The following PCDHA1 variants were observed in gnomAD, a reference collection of about 807,000 sequenced individuals.
PCDHA1 encodes the protein protocadherin alpha-1.
In PCDHA1, 42 loss-of-function variants were observed where a neutral mutation model predicts 61.3. The ratio of observed to expected loss-of-function variants is 0.69; its 90% CI spans 0.54 to 0.89. PCDHA1 has a LOEUF of 0.89. Among genes scored for constraint, PCDHA1 ranks in the 40% least tolerant of loss-of-function variants. The pLI, the probability that PCDHA1 is intolerant of heterozygous loss-of-function variation, is 0.00. For synonymous variants in PCDHA1, 610 were observed against 553.8 expected (o/e 1.10, Z -1.43); for missense variants, 1,256 against 1,235.3 (o/e 1.02, Z -0.25).
rs782449118 is a variant in PCDHA1, at chr5:140,796,738, G to T, written c.2394+8054G>T. On this transcript the variant is annotated intron_variant, in intron 1 of 3. Transcript: ENST00000504120. ...GTCGGTGGGTGCAGGGCACGTGGTGGCGAAGGTGCGCGCAGTGGACGCTGA... is the reference window on the plus strand; with the variant it reads ...GTCGGTGGGTGCAGGGCACGTGGTGTCGAAGGTGCGCGCAGTGGACGCTGA... 7.4e-6 allele frequency: 12 copies of T among 1,614,000 alleles called. No individual in the cohort carries two copies. The Middle Eastern group carries it at 4.9e-4, about 66-fold the overall frequency.
chr5:140,995,466 T>A (rs1325738929), intron 3 of PCDHA1, among the ~76,000 whole-genome samples: 1 of 152,196 alleles, frequency 6.6e-6, no homozygotes, highest in Non-Finnish European at 1.5e-5. Flanking sequence ...ATTTTTGAAA[T>A]TTTTCATTTA....
At chr5:140,926,788 G>A in intron 1 of PCDHA1, 26 of 1,427,398 alleles carry the variant, frequency 1.8e-5, no homozygotes, top group Non-Finnish European at 2.4e-5. Flanking sequence ...ACGGCCGGCA[G>A]GAGCGTGCTC....
intron 1 of PCDHA1, among the ~76,000 whole-genome samples, chr5:140,908,509 A>G (rs1458307706): frequency 1.3e-5 from 2 of 152,116 alleles, no homozygotes; most frequent in Non-Finnish European, 2.9e-5. Flanking sequence ...TGACTTGATG[A>G]CCCATAGTCA....
At chr5:140,829,950 T>A in intron 1 of PCDHA1, 1 of 1,613,960 alleles carries the variant, frequency 6.2e-7, no homozygotes, top group Non-Finnish European at 8.5e-7. Context: ...AGCGCTCGCT[T>A]CCCGTTTCGC....
At chr5:140,795,541 T>C (rs1554119485) in intron 1 of PCDHA1, 1 of 1,614,136 alleles carries the variant, frequency 6.2e-7, no homozygotes. Flanking sequence ...CGAATCTTTG[T>C]CTCTCGTGCT....
chr5:140,847,580 C>G (rs1350641732), intron 1 of PCDHA1: 2 of 149,008 alleles, frequency 1.3e-5, no homozygotes, highest in African/African-American at 4.9e-5. Flanking sequence ...TAAGGATGAG[C>G]AATAATGAAA....
chr5:140,988,268 G>A (rs1463795699), intron 3 of PCDHA1, among the ~76,000 whole-genome samples: 3 of 152,160 alleles, frequency 2.0e-5, no homozygotes, highest in Non-Finnish European at 4.4e-5. Context: ...AGTATCCTTC[G>A]CTGTCACCTG....
intron 1 of PCDHA1, chr5:140,856,974 T>C: frequency 6.3e-7 from 1 of 1,594,506 alleles, no homozygotes; most frequent in African/African-American, 1.3e-5. Context: ...GCTATTGACT[T>C]TGAGGACAGT....
At chr5:140,860,132 T>C (rs2150486737) in intron 1 of PCDHA1, 1 of 150,816 alleles carries the variant, frequency 6.6e-6, no homozygotes, top group East Asian at 1.9e-4. Flanking sequence ...TGTGTGTGTG[T>C]GTATATATAT....
At chr5:140,796,809 T>G (rs781867380) in intron 1 of PCDHA1, 2 of 1,614,126 alleles carry the variant, frequency 1.2e-6, no homozygotes, top group Non-Finnish European at 1.7e-6. Flanking sequence ...AGCTGGGTAC[T>G]GGCAGCGCTC....
intron 1 of PCDHA1, chr5:140,824,092 C>A: frequency 6.2e-7 from 1 of 1,614,146 alleles, no homozygotes; most frequent in African/African-American, 1.3e-5. Context: ...GGCCTTCAGT[C>A]CAAGCCTTCC....
intron 1 of PCDHA1, chr5:140,928,720 A>G (rs2085475122): frequency 6.2e-7 from 1 of 1,614,076 alleles, no homozygotes. Flanking sequence ...TAGTCTCTTT[A>G]GAATTTCAGC....
chr5:140,815,976 A>G (rs1175653553), intron 1 of PCDHA1: 2 of 152,168 alleles, frequency 1.3e-5, no homozygotes, highest in Non-Finnish European at 2.9e-5. Context: ...TTTGTACGTG[A>G]TGAGGCATTT....
chr5:140,870,654 C>T lies in PCDHA1; in HGVS notation c.2394+81970C>T, dbSNP rs781878209. 10 of 1,612,444 alleles carry T rather than the reference C, an allele frequency of 6.2e-6. No homozygotes were observed. The African/African-American group carries it at 8.0e-5, about 13-fold the overall frequency. ...TGCACGCGGAGAGCGGCAAGGTGTACGCGCTGCAGCCGTTGGACCACGAGG... is the reference window on the plus strand; with the variant it reads ...TGCACGCGGAGAGCGGCAAGGTGTATGCGCTGCAGCCGTTGGACCACGAGG... On this transcript the variant is annotated intron_variant, in intron 1 of 3. Transcript: ENST00000504120.
At chr5:140,827,456 A>T (rs1477893229) in intron 1 of PCDHA1, among the ~76,000 whole-genome samples, 4 of 152,224 alleles carry the variant, frequency 2.6e-5, no homozygotes, top group South Asian at 2.1e-4. Context: ...GAACCTTAAG[A>T]GCATCTGATA....
intron 3 of PCDHA1, among the ~76,000 whole-genome samples, chr5:140,995,889 A>G (rs1007675217): frequency 1.3e-5 from 2 of 152,202 alleles, no homozygotes; most frequent in African/African-American, 4.8e-5. Context: ...CTTCAGATTT[A>G]TCAATGTATA....
chr5:140,898,670 C>T (rs574817267), intron 1 of PCDHA1, among the ~76,000 whole-genome samples: 20 of 152,200 alleles, frequency 1.3e-4, no homozygotes, highest in South Asian at 6.2e-4. Context: ...CTTGGTGTTG[C>T]GGGCTGTTTT....
intron 1 of PCDHA1, chr5:140,857,825 G>T: frequency 3.8e-6 from 6 of 1,597,886 alleles, no homozygotes; most frequent in Non-Finnish European, 3.4e-6. Flanking sequence ...GGTGGCTAAG[G>T]TGCGCGCAGT....
chr5:140,982,071 G>A (rs1484711558), intron 2 of PCDHA1, among the ~76,000 whole-genome samples: 12 of 151,172 alleles, frequency 7.9e-5, no homozygotes, highest in Admixed American at 7.9e-4. Flanking sequence ...TTCTTCTTTA[G>A]AGTAGAGAAC....
Sources: gnomAD v4.1 joint callset for allele counts (sites outside exome capture counted in the v4.1 genomes callset) on GRCh38, gnomAD v4.1.1 for gene constraint, MANE v1.5 for transcripts, NCBI Gene and HGNC (gene_info 2026-07-23, HGNC 2026-07-21) for gene names.